Variants in PRKG2 observed in about 807,000 individuals in gnomAD.
PRKG2 encodes protein kinase cGMP-dependent 2, also known as cGMP-dependent protein kinase 2.
PRKG2 carries 33 observed loss-of-function variants against 97.2 expected under a neutral mutation model. That is an observed-to-expected ratio of 0.34 (90% confidence interval 0.26 to 0.45). PRKG2 has a LOEUF of 0.45. Ranked by LOEUF, PRKG2 falls within the 20% of genes least tolerant of loss-of-function variation. The probability of loss-of-function intolerance (pLI) is 1.00; values close to 1 mark genes in which losing one functional copy is unlikely to be tolerated. For synonymous variants in PRKG2, 330 were observed against 321.8 expected, an observed-to-expected ratio of 1.03 and a Z score of -0.27; for missense variants, 638 against 900.0, an observed-to-expected ratio of 0.71 and a Z score of 3.73.
rs1741296791 is a variant in PRKG2, at chr4:81,088,900, A to C, written c.*808T>G. Reference sequence around the variant, plus strand: ...GCAAAAGCCTTCGCAATTTTGTTCCAGCACGTTTTCTACTCTGGTTGTGAA... The same window carrying C: ...GCAAAAGCCTTCGCAATTTTGTTCCCGCACGTTTTCTACTCTGGTTGTGAA... On this transcript the variant is annotated 3_prime_UTR_variant, in exon 19 of 19. Transcript: ENST00000264399. 6.6e-6 allele frequency: 1 copy of C among 152,244 alleles called. No individual in the cohort carries two copies. Among genetic ancestry groups the C allele is most frequent in the African/African-American group, 2.4e-5 (1 of 41,478 alleles). 9.4% of individuals were successfully genotyped at this position (152,244 alleles called of 1,614,324 possible).
intron 2 of PRKG2, among the ~76,000 whole-genome samples, chr4:81,183,029 A>G (rs1309920636): frequency 6.6e-6 from 1 of 152,144 alleles, no homozygotes; most frequent in Non-Finnish European, 1.5e-5. Flanking sequence ...AGAAGCTGAT[A>G]TTAAATTCTT....
rs1033236915 is a variant in PRKG2, at chr4:81,088,745, T to C, written c.*963A>G. 1.3e-5 allele frequency: 2 copies of C among 152,184 alleles called. No individual in the cohort carries two copies. The highest frequency in any genetic ancestry group is 2.9e-5 in the Non-Finnish European group (2 of 68,018). The allele number at this position is 152,184 out of a possible 1,614,324, so 9.4% of individuals were successfully genotyped here. The stretch of plus-strand genomic sequence containing the variant: ...TTGTCAATGGGATTTATATTAAAAA[T>C]TAACGATGATTCTATACAATTTTGG... On this transcript the variant is annotated 3_prime_UTR_variant, in exon 19 of 19. Coordinates refer to ENST00000264399, the MANE Select transcript of PRKG2 (RefSeq NM_006259.3).
upstream of PRKG2, among the ~76,000 whole-genome samples, chr4:81,217,086 A>T (rs1754308140): frequency 6.7e-6 from 1 of 148,324 alleles, no homozygotes; most frequent in African/African-American, 2.5e-5. Flanking sequence ...CCACATTTAT[A>T]AATCCAATCA....
At chr4:81,118,919 C>T (rs1423063617) in intron 14 of PRKG2, among the ~76,000 whole-genome samples, 1 of 152,132 alleles carries the variant, frequency 6.6e-6, no homozygotes, top group Admixed American at 6.5e-5. Flanking sequence ...CTCAGGCTCC[C>T]AAGTAGCTGG....
intron 2 of PRKG2, among the ~76,000 whole-genome samples, chr4:81,184,731 C>T (rs1402302549): frequency 6.6e-6 from 1 of 152,014 alleles, no homozygotes; most frequent in African/African-American, 2.4e-5. Flanking sequence ...TGCAAGGAAA[C>T]TAAGAATGTT....
At chr4:81,093,590 T>C (rs537207504) in intron 17 of PRKG2, among the ~76,000 whole-genome samples, 1 of 152,200 alleles carries the variant, frequency 6.6e-6, no homozygotes, top group African/African-American at 2.4e-5. Context: ...GTGCTTGATA[T>C]GGGACAGGGG....
chr4:81,146,163 T>C (rs970021824), intron 9 of PRKG2, among the ~76,000 whole-genome samples: 2 of 152,182 alleles, frequency 1.3e-5, no homozygotes, highest in Admixed American at 1.3e-4. Flanking sequence ...ATTCTATACT[T>C]CACCATTATT....
intron 1 of PRKG2, among the ~76,000 whole-genome samples, chr4:81,207,783 A>G (rs1348281693): frequency 1.3e-5 from 2 of 152,210 alleles, no homozygotes; most frequent in African/African-American, 4.8e-5. Context: ...TACGTAAGTA[A>G]GTTACTAAAT....
chr4:81,092,301 G>A, intron 18 of PRKG2, 85 bp downstream of exon 18: 5 of 782,226 alleles, frequency 6.4e-6, no homozygotes, highest in South Asian at 4.5e-5. Context: ...TCTGTTATGG[G>A]CATATACATA....
At position 81,087,746 on chromosome 4, in the gene PRKG2, C is replaced by T. The variant is rs1283396867; in HGVS notation, c.*1962G>A. 1.3e-5 allele frequency: 2 copies of T among 152,094 alleles called. No individual in the cohort carries two copies. Among genetic ancestry groups the T allele is most frequent in the African/African-American group, 2.4e-5 (1 of 41,436 alleles). 9.4% of individuals were successfully genotyped at this position (152,094 alleles called of 1,614,324 possible). A position where few individuals can be genotyped will look rare whatever the true frequency, so the allele number is the denominator to read the frequency against. On this transcript the variant is annotated 3_prime_UTR_variant, in exon 19 of 19. Transcript: ENST00000264399. ...GGGATTATTCAATGGTTCAGTCTCTCATTTCTTCATCTTTTAAAGTACTCT... is the reference window on the plus strand; with the variant it reads ...GGGATTATTCAATGGTTCAGTCTCTTATTTCTTCATCTTTTAAAGTACTCT...
chr4:81,119,712 T>C (rs147672983), intron 14 of PRKG2, among the ~76,000 whole-genome samples: 5,891 of 152,002 alleles, frequency 0.039, 399 homozygotes, highest in African/African-American at 0.14. Flanking sequence ...TCTTGCTCTG[T>C]TGCCCAGGCT....
At chr4:81,106,371 C>T (rs186196251) in intron 15 of PRKG2, among the ~76,000 whole-genome samples, 130 of 152,136 alleles carry the variant, frequency 8.5e-4, no homozygotes, top group Non-Finnish European at 5.4e-4. Context: ...CAGGAGTGGG[C>T]CTGGGAGGTC....
chr4:81,169,616 T>C, intron 5 of PRKG2, 47 bp downstream of exon 5: 1 of 1,315,290 alleles, frequency 7.6e-7, no homozygotes, highest in Non-Finnish European at 1.1e-6. Context: ...ATATTCACAA[T>C]ATGGCGACTC....
At chr4:81,156,509 T>C (rs1432960205) in intron 6 of PRKG2, among the ~76,000 whole-genome samples, 1 of 152,142 alleles carries the variant, frequency 6.6e-6, no homozygotes, top group East Asian at 1.9e-4. Context: ...CCGTCAACAT[T>C]AGACAGATCA....
upstream of PRKG2, among the ~76,000 whole-genome samples, chr4:81,215,939 C>T (rs190123164): frequency 2.5e-4 from 38 of 152,004 alleles, no homozygotes; most frequent in Admixed American, 1.3e-3. Context: ...ATGTACACCC[C>T]ACCGCATTAT....
intron 6 of PRKG2, among the ~76,000 whole-genome samples, chr4:81,163,863 T>TAC (rs5859761): frequency 0.078 from 11,344 of 144,656 alleles, 526 homozygotes; most frequent in Non-Finnish European, 0.11. Flanking sequence ...AGATGTATAG[T>TAC]ACACACACAC....
intron 6 of PRKG2, among the ~76,000 whole-genome samples, chr4:81,158,534 G>A (rs937694810): frequency 1.5e-4 from 23 of 152,022 alleles, no homozygotes; most frequent in Admixed American, 5.9e-4. Flanking sequence ...AAGGTAATTT[G>A]CAGATTCAAT....
intron 9 of PRKG2, among the ~76,000 whole-genome samples, chr4:81,147,224 A>G (rs1747943045): frequency 6.6e-6 from 1 of 151,978 alleles, no homozygotes; most frequent in African/African-American, 2.4e-5. Context: ...ATGTGATTAC[A>G]ATGAAGAAAA....
At chr4:81,175,011 A>G (rs1311474470) in intron 2 of PRKG2, 52 bp from the exon 3 acceptor site, 1 of 1,466,264 alleles carries the variant, frequency 6.8e-7, no homozygotes, top group African/African-American at 1.4e-5. Context: ...ATCATGTTTT[A>G]CTATTTAGAT....
Sources: gnomAD v4.1 joint callset for allele counts (sites outside exome capture counted in the v4.1 genomes callset) on GRCh38, gnomAD v4.1.1 for gene constraint, MANE v1.5 for transcripts, NCBI Gene and HGNC (gene_info 2026-07-23, HGNC 2026-07-21) for gene names.